The following PDE4B variants were observed in gnomAD, a reference collection of about 807,000 sequenced individuals.
PDE4B encodes the protein phosphodiesterase 4B.
Under a neutral mutation model 82.2 loss-of-function variants are expected in PDE4B, and 20 were observed. That is an observed-to-expected ratio of 0.24 (90% confidence interval 0.17 to 0.35). The LOEUF is 0.35. Among genes scored for constraint, PDE4B ranks in the 10% least tolerant of loss-of-function variants. The pLI is 1.00. For synonymous variants in PDE4B, 320 were observed against 318.9 expected (o/e 1.00, Z -0.04); for missense variants, 655 against 907.2 (o/e 0.72, Z 3.57).
intron 1 of PDE4B, among the ~76,000 whole-genome samples, chr1:65,883,117 A>G (rs1646728457): frequency 6.6e-6 from 1 of 152,070 alleles, no homozygotes; most frequent in Non-Finnish European, 1.5e-5. Flanking sequence ...TGTTATGAAA[A>G]TGCTTTGTCT....
intron 1 of PDE4B, among the ~76,000 whole-genome samples, chr1:65,858,100 C>T (rs1253214854): frequency 6.6e-6 from 1 of 152,192 alleles, no homozygotes; most frequent in Non-Finnish European, 1.5e-5. Flanking sequence ...CTTATTTCTA[C>T]TGAGAACTAA....
At chr1:66,084,328 A>G (rs1037471275) in intron 3 of PDE4B, among the ~76,000 whole-genome samples, 2 of 152,180 alleles carry the variant, frequency 1.3e-5, no homozygotes, top group Non-Finnish European at 2.9e-5. Context: ...ACGCAAATCA[A>G]TCGCTCATAA....
At chr1:66,130,501 AC>A (rs1054434369) in intron 3 of PDE4B, among the ~76,000 whole-genome samples, 18 of 152,042 alleles carry the variant, frequency 1.2e-4, no homozygotes, top group Non-Finnish European at 2.2e-4. Context: ...CACCTCACAG[AC>A]CCCCACTTAA....
At chr1:66,118,037 T>C (rs1434254040) in intron 3 of PDE4B, among the ~76,000 whole-genome samples, 2 of 152,210 alleles carry the variant, frequency 1.3e-5, no homozygotes, top group African/African-American at 4.8e-5. Flanking sequence ...ATTGTGATTT[T>C]GATTTGCATT....
intron 3 of PDE4B, among the ~76,000 whole-genome samples, chr1:66,197,606 C>CTGA (rs543754939): frequency 1.2e-4 from 18 of 152,250 alleles, no homozygotes; most frequent in Non-Finnish European, 2.6e-4. Flanking sequence ...TTCCTGTGTG[C>CTGA]TGATGAGAAA....
chr1:65,850,651 G>A (rs1390862076), intron 1 of PDE4B, among the ~76,000 whole-genome samples: 1 of 151,976 alleles, frequency 6.6e-6, no homozygotes, highest in Non-Finnish European at 1.5e-5. Context: ...GAGTGTGTTT[G>A]TGTGTATTTG....
Position 66,140,802 on chromosome 1 carries a change from G to A in PDE4B, c.282-106658G>A, listed in dbSNP as rs1234814087. Among the ~76,000 whole-genome samples, 7 of 152,264 alleles carry A rather than the reference G, an allele frequency of 4.6e-5. No homozygotes were observed. In the East Asian group the frequency reaches 5.8e-4, roughly 13 times the overall value. Reference sequence around the variant, plus strand: ...TGCATTTTCATTGGGAGGAGTAGGCGTTTCACAGATTGCTCTACTACTTGG... The same window carrying A: ...TGCATTTTCATTGGGAGGAGTAGGCATTTCACAGATTGCTCTACTACTTGG... On this transcript the variant is annotated intron_variant, in intron 3 of 16. Transcript: ENST00000341517.
intron 3 of PDE4B, among the ~76,000 whole-genome samples, chr1:66,159,279 G>A (rs542419566): frequency 2.0e-5 from 3 of 149,296 alleles, no homozygotes; most frequent in African/African-American, 4.9e-5. Flanking sequence ...GCCTCACTCT[G>A]TTGCCCAGGC....
chr1:66,340,965 G>A (rs1660935550), intron 8 of PDE4B, among the ~76,000 whole-genome samples: 1 of 152,118 alleles, frequency 6.6e-6, no homozygotes, highest in Non-Finnish European at 1.5e-5. Context: ...CACTATTGAT[G>A]AAATTTGATA....
chr1:65,955,921 T>G (rs1649235499), intron 3 of PDE4B, among the ~76,000 whole-genome samples: 1 of 152,124 alleles, frequency 6.6e-6, no homozygotes, highest in South Asian at 2.1e-4. Flanking sequence ...AGAAAGCTCT[T>G]AATTTTAAAA....
chr1:66,021,108 T>TG (rs1318579107), intron 3 of PDE4B, among the ~76,000 whole-genome samples: 1 of 152,250 alleles, frequency 6.6e-6, no homozygotes, highest in Non-Finnish European at 1.5e-5. Flanking sequence ...GCTGCATAAA[T>TG]GTCTTCTTTT....
At position 65,954,085 on chromosome 1, in the gene PDE4B, C is replaced by T. The variant is rs1364666560; in HGVS notation, c.281+35250C>T. On this transcript the variant is annotated intron_variant, in intron 3 of 16. Transcript: ENST00000341517. ...CTTATTTTTGTATTTTTAGTAGATA[C>T]GGGGTTTCATCATGTTGGCCAGGCT... 3.9e-5 allele frequency among the ~76,000 whole-genome samples: 6 copies of T among 151,966 alleles called. No homozygotes were observed. In the East Asian group the frequency reaches 9.7e-4, roughly 25 times the overall value.
Position 66,373,548 on chromosome 1 carries a change from C to G in PDE4B, c.*870C>G, listed in dbSNP as rs1039572279. On this transcript the variant is annotated 3_prime_UTR_variant, in exon 17 of 17. Transcript: ENST00000341517. Reference sequence around the variant, plus strand: ...AGTCCCTGGCCCTGTTCCCTACCTCCTCTCTTCACCCCGTTAGGCTGTTTT... The same window carrying G: ...AGTCCCTGGCCCTGTTCCCTACCTCGTCTCTTCACCCCGTTAGGCTGTTTT... The G allele has an allele frequency of 2.0e-5, 3 of 152,770 alleles. No homozygotes were observed. Among genetic ancestry groups the G allele is most frequent in the Admixed American group, 1.3e-4 (2 of 15,286 alleles). The allele number at this position is 152,770 out of a possible 1,614,324, so 9.5% of individuals were successfully genotyped here.
At position 66,068,728 on chromosome 1, in the gene PDE4B, A is replaced by C. The variant is rs561919730; in HGVS notation, c.281+149893A>C. Among the ~76,000 whole-genome samples the C allele has an allele frequency of 2.0e-5, 3 of 152,146 alleles. No individual in the cohort carries two copies. The East Asian group carries it at 5.8e-4, about 29-fold the overall frequency. On this transcript the variant is annotated intron_variant, in intron 3 of 16. Coordinates refer to ENST00000341517, the MANE Select transcript of PDE4B (RefSeq NM_002600.4). ...CCATTACAATATAGGCAGAAATGGG[A>C]TATAGAATATAATGAGACACTGAAG...
At chr1:65,891,387 AG>A (rs1453985014) in intron 1 of PDE4B, among the ~76,000 whole-genome samples, 2 of 152,076 alleles carry the variant, frequency 1.3e-5, no homozygotes, top group Non-Finnish European at 2.9e-5. Context: ...ATTGTCTTAA[AG>A]GTTACTTCTT....
chr1:65,913,870 C>T (rs1240839095), intron 2 of PDE4B, among the ~76,000 whole-genome samples: 1 of 152,092 alleles, frequency 6.6e-6, no homozygotes, highest in African/African-American at 2.4e-5. Flanking sequence ...AATCTCAGGC[C>T]ACACCTCAGA....
chr1:66,353,457 C>A (rs960494483), intron 8 of PDE4B, among the ~76,000 whole-genome samples: 3 of 152,122 alleles, frequency 2.0e-5, no homozygotes, highest in African/African-American at 4.8e-5. Context: ...TTGTTGGATG[C>A]GGATGCTCAT....
intron 3 of PDE4B, among the ~76,000 whole-genome samples, chr1:66,084,894 A>G (rs1236658518): frequency 2.0e-5 from 3 of 152,184 alleles, no homozygotes; most frequent in East Asian, 3.9e-4. Flanking sequence ...GGTTGGAAAC[A>G]GAGGTACTGA....
chr1:66,260,925 C>T (rs1169253166), intron 6 of PDE4B, among the ~76,000 whole-genome samples: 1 of 152,124 alleles, frequency 6.6e-6, no homozygotes, highest in African/African-American at 2.4e-5. Context: ...ATGCTTATCA[C>T]AAAAAGCAGG....
Sources: allele counts gnomAD v4.1 joint callset (sites outside exome capture counted in the v4.1 genomes callset), GRCh38; gene constraint gnomAD v4.1.1; transcripts MANE v1.5; gene names NCBI Gene and HGNC (gene_info 2026-07-23, HGNC 2026-07-21).